KAT2B: variants seen among roughly 807,000 people sequenced by gnomAD.
The protein encoded by KAT2B is lysine acetyltransferase 2B.
KAT2B carries 36 observed loss-of-function variants against 105.9 expected under a neutral mutation model. That is an observed-to-expected ratio of 0.34 (90% confidence interval 0.26 to 0.45). The LOEUF (loss-of-function observed/expected upper bound fraction) is 0.45, where lower values mean the gene tolerates loss of function less well. Among genes scored for constraint, KAT2B ranks in the 20% least tolerant of loss-of-function variants. KAT2B has a pLI of 1.00. For missense variants in KAT2B, 820 were observed against 1,021.6 expected (o/e 0.80, Z 2.69); for synonymous variants, 397 against 377.9 (o/e 1.05, Z -0.59).
In KAT2B at chr3:20,153,674, T is replaced by C. The variant is rs147870914; in HGVS notation, c.*1149T>C. 2 of 152,594 alleles carry C rather than the reference T, an allele frequency of 1.3e-5. No homozygotes were observed. The highest frequency in any genetic ancestry group is 4.8e-5 in the African/African-American group (2 of 41,442). 9.5% of individuals were successfully genotyped at this position (152,594 alleles called of 1,614,324 possible). ...GGATTTATTTCCTGATTACACTACA[T>C]AGAAAAGTGAGACATCTGCCATTCC... is the stretch of plus-strand genomic sequence containing the variant. On this transcript the variant is annotated 3_prime_UTR_variant, in exon 18 of 18. Transcript: ENST00000263754.
intron 5 of KAT2B, among the ~76,000 whole-genome samples, chr3:20,101,836 A>G (rs1286224765): frequency 6.6e-6 from 1 of 152,196 alleles, no homozygotes; most frequent in Non-Finnish European, 1.5e-5. Flanking sequence ...ATTGGATTAA[A>G]TAAAATATAT....
chr3:20,069,284 A>G (rs1376789169), intron 1 of KAT2B, among the ~76,000 whole-genome samples: 1 of 152,172 alleles, frequency 6.6e-6, no homozygotes, highest in Non-Finnish European at 1.5e-5. Flanking sequence ...TGCTAGGGAC[A>G]GCAGATTGTG....
chr3:20,106,993 A>G lies in KAT2B; in HGVS notation c.852-4603A>G, dbSNP rs1284288524. 9.3e-4 allele frequency among the ~76,000 whole-genome samples: 17 copies of G among 18,358 alleles called. No individual in the cohort carries two copies. In the East Asian group the frequency reaches 0.043, roughly 46 times the overall value. The allele number at this position is 18,358 out of a possible 152,430, so 12.0% of individuals were successfully genotyped here. A position where few individuals can be genotyped will look rare whatever the true frequency, so the allele number is the denominator to read the frequency against. On this transcript the variant is annotated intron_variant, in intron 5 of 17. Coordinates refer to ENST00000263754, the MANE Select transcript of KAT2B (RefSeq NM_003884.5). ...TATATATATATGTATATATATATATATATATATATATATATATATATATTT... is the reference window on the plus strand; with the variant it reads ...TATATATATATGTATATATATATATGTATATATATATATATATATATATTT...
At chr3:20,121,654 T>C (rs1699309229) in intron 8 of KAT2B, among the ~76,000 whole-genome samples, 1 of 152,156 alleles carries the variant, frequency 6.6e-6, no homozygotes, top group Admixed American at 6.6e-5. Context: ...TAAATTTGTT[T>C]ATTAAAAATA....
intron 7 of KAT2B, among the ~76,000 whole-genome samples, chr3:20,118,866 T>C (rs1699257610): frequency 6.6e-6 from 1 of 151,058 alleles, no homozygotes; most frequent in Non-Finnish European, 1.5e-5. Flanking sequence ...CATGCCCCTT[T>C]AGTAATTTTG....
At chr3:20,049,227 T>G (rs1020082144) in intron 1 of KAT2B, among the ~76,000 whole-genome samples, 4 of 152,192 alleles carry the variant, frequency 2.6e-5, no homozygotes, top group African/African-American at 7.2e-5. Flanking sequence ...TGCCACCTCA[T>G]TGACTTATTG....
chr3:20,045,940 A>G (rs1160728417), intron 1 of KAT2B, among the ~76,000 whole-genome samples: 1 of 152,212 alleles, frequency 6.6e-6, no homozygotes, highest in Non-Finnish European at 1.5e-5. Context: ...TTAACTTGAA[A>G]GTCAAGTAAG....
chr3:20,070,763 C>A (rs961118862), intron 1 of KAT2B, among the ~76,000 whole-genome samples: 1 of 151,566 alleles, frequency 6.6e-6, no homozygotes, highest in East Asian at 2.0e-4. Context: ...AATACCTGCA[C>A]TTTGGGAGGC....
chr3:20,082,044 T>G (rs2125187848), intron 2 of KAT2B, among the ~76,000 whole-genome samples: 1 of 152,168 alleles, frequency 6.6e-6, no homozygotes, highest in East Asian at 1.9e-4. Context: ...AATAAGGTTT[T>G]CTTTTTTTGA....
intron 17 of KAT2B, chr3:20,148,729 A>G: frequency 2.5e-6 from 1 of 400,134 alleles, no homozygotes; most frequent in South Asian, 6.4e-5. Flanking sequence ...AGACGCAGAA[A>G]ATCCACGGTA....
intron 9 of KAT2B, among the ~76,000 whole-genome samples, 155 bp from the exon 10 acceptor site, chr3:20,125,750 T>A (rs1699390882): frequency 6.6e-6 from 1 of 152,246 alleles, no homozygotes; most frequent in Admixed American, 6.5e-5. Context: ...TGTATGTGTC[T>A]CTGTGTGTAT....
chr3:20,051,179 G>A, intron 1 of KAT2B, among the ~76,000 whole-genome samples: 1 of 131,162 alleles, frequency 7.6e-6, no homozygotes, highest in Non-Finnish European at 1.6e-5. Context: ...TAGCCTGGGT[G>A]ACAGAGCAAT....
At chr3:20,132,717 A>G (rs556954909) in intron 11 of KAT2B, among the ~76,000 whole-genome samples, 1 of 152,336 alleles carries the variant, frequency 6.6e-6, no homozygotes, top group South Asian at 2.1e-4. Context: ...GGAATCTGGA[A>G]AAGATTTTTG....
intron 1 of KAT2B, among the ~76,000 whole-genome samples, chr3:20,044,968 A>G (rs1697782505): frequency 6.6e-6 from 1 of 152,216 alleles, no homozygotes; most frequent in Non-Finnish European, 1.5e-5. Context: ...GATTTGTCAT[A>G]TAGGACAGTT....
intron 1 of KAT2B, among the ~76,000 whole-genome samples, chr3:20,070,446 A>C (rs1352928515): frequency 1.3e-5 from 2 of 150,962 alleles, no homozygotes; most frequent in Admixed American, 1.3e-4. Context: ...CTGGGACTAC[A>C]GGCGCCTGCC....
chr3:20,061,815 A>T (rs970530358), intron 1 of KAT2B, among the ~76,000 whole-genome samples: 2 of 102,478 alleles, frequency 2.0e-5, no homozygotes, highest in Admixed American at 2.2e-4. Context: ...TATATTATAC[A>T]TAAAGTATAT....
At chr3:20,047,248 T>C (rs899280183) in intron 1 of KAT2B, among the ~76,000 whole-genome samples, 3 of 151,968 alleles carry the variant, frequency 2.0e-5, no homozygotes, top group African/African-American at 7.2e-5. Context: ...TTTATAGAGA[T>C]GTTTCGCCAA....
At chr3:20,107,142 C>T (rs1413124661) in intron 5 of KAT2B, among the ~76,000 whole-genome samples, 10 of 143,654 alleles carry the variant, frequency 7.0e-5, no homozygotes, top group African/African-American at 1.3e-4. Flanking sequence ...AAGCCATTCC[C>T]GTCTCTGCCT....
At chr3:20,050,922 C>T (rs561418456) in intron 1 of KAT2B, among the ~76,000 whole-genome samples, 4 of 151,804 alleles carry the variant, frequency 2.6e-5, no homozygotes, top group East Asian at 1.9e-4. Context: ...AGGAGGTGGC[C>T]GGGTATGGTG....
Sources: gnomAD v4.1 joint callset for allele counts (sites outside exome capture counted in the v4.1 genomes callset) on GRCh38, gnomAD v4.1.1 for gene constraint, MANE v1.5 for transcripts, NCBI Gene and HGNC (gene_info 2026-07-23, HGNC 2026-07-21) for gene names.